Variants in ACSS1 observed in about 807,000 individuals in gnomAD.
The protein encoded by ACSS1 is acyl-CoA synthetase short chain family member 1.
A neutral mutation model predicts 75.3 loss-of-function variants in ACSS1; 42 were observed. The ratio of observed to expected loss-of-function variants is 0.56; its 90% CI spans 0.44 to 0.72. The LOEUF (loss-of-function observed/expected upper bound fraction) is 0.72, where lower values mean the gene tolerates loss of function less well. ACSS1 is among the 30% of genes least tolerant of loss of function. ACSS1 has a pLI of 0.00. For synonymous variants in ACSS1, 380 were observed against 376.8 expected (o/e 1.01, Z -0.10); for missense variants, 782 against 935.7 (o/e 0.84, Z 2.14).
chr20:25,021,552 A>G lies in ACSS1; in HGVS notation c.961-16T>C. On this transcript the variant is annotated splice_polypyrimidine_tract_variant and intron_variant, in intron 5 of 13. Coordinates refer to ENST00000323482, the MANE Select transcript of ACSS1 (RefSeq NM_032501.4). ...CAAACACAAGCTGCAGAGACAGGAA[A>G]GGAGCATCAGGAGCTTGTCCCCCCA... 6.2e-7 allele frequency: 1 copy of G among 1,610,568 alleles called. No homozygotes were observed. Among genetic ancestry groups the G allele is most frequent in the Non-Finnish European group, 8.5e-7 (1 of 1,178,002 alleles).
chr20:25,031,851 G>GA (rs1015487303), intron 2 of ACSS1, among the ~76,000 whole-genome samples: 41 of 152,276 alleles, frequency 2.7e-4, no homozygotes, highest in African/African-American at 7.2e-4. Context: ...GATCTCATAA[G>GA]ACATTTAGTC....
At chr20:25,020,944 A>G (rs763299831) in intron 6 of ACSS1, among the ~76,000 whole-genome samples, 30 of 152,222 alleles carry the variant, frequency 2.0e-4, no homozygotes, top group African/African-American at 6.0e-4. Flanking sequence ...AGTGATCTCA[A>G]TTTAATGGAG....
rs6037011 is a variant in ACSS1, at chr20:25,037,033, G to T, written c.432-6075C>A. On this transcript the variant is annotated intron_variant, in intron 2 of 13. Transcript: ENST00000323482. ...GGAAGGAAGGAAGGAAGGAAGGAAA[G>T]AAAGAAAGAGGGAAAGAAAGAAATT... is the stretch of plus-strand genomic sequence containing the variant. 2.8e-3 allele frequency among the ~76,000 whole-genome samples: 417 copies of T among 150,260 alleles called. 3 individuals carry two copies. Among genetic ancestry groups the T allele is most frequent in the African/African-American group, 9.3e-3 (374 of 40,096 alleles).
chr20:25,020,794 T>A (rs575041009), intron 6 of ACSS1, among the ~76,000 whole-genome samples: 4 of 152,362 alleles, frequency 2.6e-5, no homozygotes, highest in Admixed American at 2.6e-4. Flanking sequence ...CCATGCACAG[T>A]TGTCAGTGCC....
At chr20:25,041,490 G>T (rs2089003576) in intron 2 of ACSS1, among the ~76,000 whole-genome samples, 1 of 152,108 alleles carries the variant, frequency 6.6e-6, no homozygotes, top group Non-Finnish European at 1.5e-5. Context: ...GGCAGCCCTT[G>T]TCCCCAGGCC....
chr20:25,022,660 T>C (rs934105462), intron 5 of ACSS1, among the ~76,000 whole-genome samples: 3 of 151,926 alleles, frequency 2.0e-5, no homozygotes, highest in African/African-American at 7.3e-5. Context: ...CTAAAAAGAG[T>C]TTTTAAAAAT....
At chr20:25,012,151 A>C (rs565031428) in intron 12 of ACSS1, 9 of 197,616 alleles carry the variant, frequency 4.6e-5, no homozygotes, top group Non-Finnish European at 9.5e-5. Flanking sequence ...CCAGCGCAGC[A>C]CACAGCCTGC....
At chr20:25,013,233 A>C (rs1380678642) in intron 10 of ACSS1, among the ~76,000 whole-genome samples, 1 of 152,210 alleles carries the variant, frequency 6.6e-6, no homozygotes, top group Non-Finnish European at 1.5e-5. Context: ...AACTGGAAGA[A>C]AACTCCCAGC....
chr20:25,057,871 G>T lies in ACSS1; in HGVS notation c.232C>A (p.Arg78=), dbSNP rs200736718. Residue 78 remains arginine (R), a synonymous_variant, in exon 1 of 14, where the codon CGG becomes AGG. Transcript: ENST00000323482. The part of the protein sequence containing the change: ...EPAAFWGPLA[R]DTLVWDTPYH... ...GGGGTGTCCCACACGAGAGTGTCCC[G>T]CGCCAGAGGCCCCCAGAAGGCGGCC... 12 of 1,612,586 alleles carry T rather than the reference G, an allele frequency of 7.4e-6. No homozygotes were observed. Among genetic ancestry groups the T allele is most frequent in the Non-Finnish European group, 1.0e-5 (12 of 1,179,652 alleles).
At position 25,023,728 on chromosome 20, in the gene ACSS1, A is replaced by C. The variant is rs1371622581; in HGVS notation, c.632-87T>G. The C allele has an allele frequency of 6.9e-6, 9 of 1,305,568 alleles. No homozygotes were observed. In the African/African-American group the frequency reaches 1.0e-4, roughly 15 times the overall value. 80.9% of individuals were successfully genotyped at this position (1,305,568 alleles called of 1,614,324 possible). Reference sequence around the variant, plus strand: ...TGACTCACATAGGACATCCAGGCCTAGGAGTGTGAGAAACTCAGTCCAATC... The same window carrying C: ...TGACTCACATAGGACATCCAGGCCTCGGAGTGTGAGAAACTCAGTCCAATC... On this transcript the variant is annotated intron_variant, in intron 3 of 13. Coordinates refer to ENST00000323482, the MANE Select transcript of ACSS1 (RefSeq NM_032501.4).
At chr20:25,027,349 T>C (rs2122666186) in intron 3 of ACSS1, among the ~76,000 whole-genome samples, 1 of 152,234 alleles carries the variant, frequency 6.6e-6, no homozygotes, top group East Asian at 1.9e-4. Flanking sequence ...AAAAGAAAAC[T>C]ACAGACAAAT....
At position 25,017,932 on chromosome 20, in the gene ACSS1, G is replaced by A. The variant is rs575389026; in HGVS notation, c.1246+2078C>T. Among the ~76,000 whole-genome samples, 7 of 152,296 alleles carry A rather than the reference G, an allele frequency of 4.6e-5. No homozygotes were observed. The South Asian group carries it at 8.3e-4, about 18-fold the overall frequency. On this transcript the variant is annotated intron_variant, in intron 7 of 13. Transcript: ENST00000323482. ...CTGACAACACCTAGAGGATCTGGGC[G>A]AGTTTCTATGGCCCTGGCCACCCCG...
chr20:25,037,025 G>GAAGGAAGGAAGGAAGGAAGA (rs2088924526), intron 2 of ACSS1, among the ~76,000 whole-genome samples: 2 of 149,798 alleles, frequency 1.3e-5, no homozygotes, highest in Admixed American at 1.3e-4. Context: ...AGGAAGGAAG[G>GAAGGAAGGAAGGAAGGAAGA]AAGGAAAGAA....
At position 25,041,833 on chromosome 20, in the gene ACSS1, C is replaced by T. The variant is rs73346983; in HGVS notation, c.431+6252G>A. Among the ~76,000 whole-genome samples the T allele has an allele frequency of 4.8e-3, 726 of 152,356 alleles. 4 individuals are homozygous for T. The highest frequency in any genetic ancestry group is 0.017 in the African/African-American group (712 of 41,584). ...GGTGAAGACCAGAGCCTGTTAGTTA[C>T]AGCAGATTTTGAACAGCTGTGGTGG... is the stretch of plus-strand genomic sequence containing the variant. On this transcript the variant is annotated intron_variant, in intron 2 of 13. Transcript: ENST00000323482.
intron 2 of ACSS1, among the ~76,000 whole-genome samples, chr20:25,043,841 T>C (rs1168491630): frequency 6.6e-6 from 1 of 152,156 alleles, no homozygotes; most frequent in African/African-American, 2.4e-5. Context: ...CTTTTACAGA[T>C]GAGGACACCA....
chr20:25,036,927 C>T (rs1433974069), intron 2 of ACSS1, among the ~76,000 whole-genome samples: 2 of 146,104 alleles, frequency 1.4e-5, no homozygotes, highest in Admixed American at 1.4e-4. Context: ...TGCACTGCAG[C>T]CTGGGTGACA....
At chr20:25,030,004 G>A (rs969950003) in intron 3 of ACSS1, among the ~76,000 whole-genome samples, 4 of 152,218 alleles carry the variant, frequency 2.6e-5, no homozygotes, top group Non-Finnish European at 4.4e-5. Flanking sequence ...ACCCTTGAAC[G>A]TGGGGGAAGA....
In ACSS1 at chr20:25,048,385, G is replaced by GTCCT. The variant is rs1215006970; in HGVS notation, c.335-208_335-205dup. ...CATGATCTCAGAGGTACAAGGTGAT[G>GTCCT]TCCTGCAAATATTTTGAAGTGGTTG... On this transcript the variant is annotated intron_variant, in intron 1 of 13. Coordinates refer to ENST00000323482, the MANE Select transcript of ACSS1 (RefSeq NM_032501.4). Among the ~76,000 whole-genome samples, 7 of 152,256 alleles carry GTCCT rather than the reference G, an allele frequency of 4.6e-5. 1 individual carries two copies. The South Asian group carries it at 1.5e-3, about 32-fold the overall frequency.
At chr20:25,023,772 G>T in intron 3 of ACSS1, 131 bp from the exon 4 acceptor site, 1 of 893,978 alleles carries the variant, frequency 1.1e-6, no homozygotes, top group East Asian at 2.8e-5. Context: ...AAGACTCAAT[G>T]GAAAAAGTGA....
Sources: allele counts gnomAD v4.1 joint callset (sites outside exome capture counted in the v4.1 genomes callset), GRCh38; gene constraint gnomAD v4.1.1; transcripts MANE v1.5; gene names NCBI Gene and HGNC (gene_info 2026-07-23, HGNC 2026-07-21).